The following BTAF1 variants were observed in gnomAD, a reference collection of about 807,000 sequenced individuals.
BTAF1 encodes TATA-binding protein-associated factor 172.
In BTAF1, 38 loss-of-function variants were observed where a neutral mutation model predicts 227.1. The ratio of observed to expected loss-of-function variants is 0.17; its 90% CI spans 0.13 to 0.22. The LOEUF is 0.22. BTAF1 is among the 10% of genes least tolerant of loss of function. The probability of loss-of-function intolerance (pLI) is 1.00; values close to 1 mark genes in which losing one functional copy is unlikely to be tolerated. For synonymous variants in BTAF1, 742 were observed against 751.9 expected, an observed-to-expected ratio of 0.99 and a Z score of 0.21; for missense variants, 1,598 against 2,204.0, an observed-to-expected ratio of 0.73 and a Z score of 5.51.
intron 30 of BTAF1, among the ~76,000 whole-genome samples, chr10:92,012,045 T>A (rs887860597): frequency 1.3e-5 from 2 of 148,576 alleles, no homozygotes; most frequent in African/African-American, 5.0e-5. Context: ...GATGATTCTT[T>A]ATGTACTTAC....
At chr10:91,934,947 T>C (rs1192776852) in intron 1 of BTAF1, among the ~76,000 whole-genome samples, 1 of 152,182 alleles carries the variant, frequency 6.6e-6, no homozygotes, top group Non-Finnish European at 1.5e-5. Flanking sequence ...CTCCTTTCTT[T>C]CATAATCCTC....
intron 25 of BTAF1, among the ~76,000 whole-genome samples, chr10:92,005,185 C>A (rs1849796316): frequency 6.6e-6 from 1 of 151,924 alleles, no homozygotes; most frequent in African/African-American, 2.4e-5. Flanking sequence ...AGCTTTGTTC[C>A]TTTTGCTCAA....
At chr10:92,000,657 A>G (rs765715648) in intron 25 of BTAF1, among the ~76,000 whole-genome samples, 21 of 152,104 alleles carry the variant, frequency 1.4e-4, no homozygotes, top group Non-Finnish European at 1.6e-4. Context: ...TCCTGGGTTC[A>G]AGCAATTCTC....
intron 4 of BTAF1, among the ~76,000 whole-genome samples, chr10:91,943,380 G>A (rs1845145637): frequency 6.6e-6 from 1 of 152,130 alleles, no homozygotes; most frequent in African/African-American, 2.4e-5. Context: ...GAATCTATCT[G>A]AATATAAAAT....
chr10:92,016,064 A>G (rs538402388), intron 32 of BTAF1, among the ~76,000 whole-genome samples: 2 of 152,294 alleles, frequency 1.3e-5, no homozygotes, highest in African/African-American at 4.8e-5. Context: ...TGAACAGTAG[A>G]AAAATTGAGT....
chr10:92,023,174 G>A (rs924404169), intron 34 of BTAF1, among the ~76,000 whole-genome samples: 1 of 152,160 alleles, frequency 6.6e-6, no homozygotes, highest in African/African-American at 2.4e-5. Flanking sequence ...ATCATTACCA[G>A]TTAGGGACTG....
rs550562650 is a variant in BTAF1 at position 91,969,440 on chromosome 10, T to C, written c.1650+2683T>C. Among the ~76,000 whole-genome samples, 6 of 152,224 alleles carry C rather than the reference T, an allele frequency of 3.9e-5. No homozygotes were observed. In the South Asian group the frequency reaches 1.2e-3, roughly 32 times the overall value. On this transcript the variant is annotated intron_variant, in intron 14 of 37. Coordinates refer to ENST00000265990, the MANE Select transcript of BTAF1 (RefSeq NM_003972.3). ...TTTTTTTTGGTGAGTCAGTCACCAATATTATTTGTTGGTTATTAGTTTTTA... is the reference window on the plus strand; with the variant it reads ...TTTTTTTTGGTGAGTCAGTCACCAACATTATTTGTTGGTTATTAGTTTTTA...
At chr10:91,966,976 A>C (rs1264904753) in intron 14 of BTAF1, among the ~76,000 whole-genome samples, 1 of 152,236 alleles carries the variant, frequency 6.6e-6, no homozygotes, top group Non-Finnish European at 1.5e-5. Flanking sequence ...CATGCTTAAC[A>C]CATAGGAAGT....
chr10:92,007,723 A>G (rs1850024893), intron 25 of BTAF1, among the ~76,000 whole-genome samples: 1 of 152,218 alleles, frequency 6.6e-6, no homozygotes, highest in Admixed American at 6.5e-5. Flanking sequence ...TTCTTTTATT[A>G]TGAAATAGTT....
chr10:92,026,087 T>G (rs920439332), intron 35 of BTAF1, among the ~76,000 whole-genome samples: 4 of 152,230 alleles, frequency 2.6e-5, no homozygotes, highest in African/African-American at 4.8e-5. Context: ...GTAGTAAGGA[T>G]AATAAATCGT....
At chr10:91,928,804 T>G (rs1223612835) in intron 1 of BTAF1, among the ~76,000 whole-genome samples, 1 of 130,664 alleles carries the variant, frequency 7.7e-6, no homozygotes, top group Admixed American at 8.3e-5. Flanking sequence ...TGAGATGGAT[T>G]TCTTTGGCAT....
intron 19 of BTAF1, among the ~76,000 whole-genome samples, chr10:91,987,316 T>A (rs1848469971): frequency 6.6e-6 from 1 of 151,982 alleles, no homozygotes; most frequent in Non-Finnish European, 1.5e-5. Flanking sequence ...ACCCCATCTC[T>A]GTTAAAAATA....
At chr10:91,929,681 A>C (rs1050500979) in intron 1 of BTAF1, among the ~76,000 whole-genome samples, 2 of 152,126 alleles carry the variant, frequency 1.3e-5, no homozygotes, top group Middle Eastern at 3.2e-3. Context: ...AAAGGACAAC[A>C]CAGGTTTTCC....
intron 25 of BTAF1, among the ~76,000 whole-genome samples, chr10:92,001,471 C>T (rs1849524076): frequency 6.6e-6 from 1 of 152,122 alleles, no homozygotes. Flanking sequence ...AGTAACAAGA[C>T]CTTCTACCAT....
Position 91,923,883 on chromosome 10 carries a change from C to A in BTAF1, c.-194C>A. The A allele has an allele frequency of 1.7e-6, 1 of 573,236 alleles. No homozygotes were observed. Among genetic ancestry groups the A allele is most frequent in the Non-Finnish European group, 2.8e-6 (1 of 355,878 alleles). The allele number at this position is 573,236 out of a possible 1,614,324, so 35.5% of individuals were successfully genotyped here. On this transcript the variant is annotated 5_prime_UTR_variant, in exon 1 of 38. Coordinates refer to ENST00000265990, the MANE Select transcript of BTAF1 (RefSeq NM_003972.3). ...GCTACCGTCTTGGACCCCTGCTTAC[C>A]GGCCGCCGCGGGGACGAGCTCGGGT...
chr10:92,027,665 A>G (rs985078534), intron 37 of BTAF1, among the ~76,000 whole-genome samples: 4 of 152,092 alleles, frequency 2.6e-5, no homozygotes, highest in Non-Finnish European at 5.9e-5. Flanking sequence ...CTATTTTACT[A>G]CATGGTTGTG....
chr10:91,959,284 T>G, intron 9 of BTAF1, 130 bp downstream of exon 9: 1 of 1,484,884 alleles, frequency 6.7e-7, no homozygotes, highest in East Asian at 2.4e-5. Context: ...TATGAAAAGG[T>G]AAATATCATA....
chr10:91,942,358 G>T, intron 3 of BTAF1, 64 bp from the exon 4 acceptor site: 65 of 1,248,614 alleles, frequency 5.2e-5, no homozygotes, highest in East Asian at 3.2e-4. Flanking sequence ...GTAATGATAT[G>T]CTATTTTCTT....
At chr10:91,958,273 C>A (rs1846238081) in intron 8 of BTAF1, among the ~76,000 whole-genome samples, 1 of 152,036 alleles carries the variant, frequency 6.6e-6, no homozygotes, top group South Asian at 2.1e-4. Flanking sequence ...GCTGGTCTTG[C>A]TTGAACTCCT....
Sources: allele counts gnomAD v4.1 joint callset (sites outside exome capture counted in the v4.1 genomes callset), GRCh38; gene constraint gnomAD v4.1.1; transcripts MANE v1.5; gene names NCBI Gene and HGNC (gene_info 2026-07-23, HGNC 2026-07-21).